CDK6: variants seen among roughly 807,000 people sequenced by gnomAD.
CDK6 encodes cyclin dependent kinase 6.
A neutral mutation model predicts 37.1 loss-of-function variants in CDK6; 6 were observed. That is an observed-to-expected ratio of 0.16 (90% CI 0.09 to 0.32). The LOEUF is 0.32. Ranked by LOEUF, CDK6 falls within the 10% of genes least tolerant of loss-of-function variation. The probability of loss-of-function intolerance (pLI) is 1.00; values close to 1 mark genes in which losing one functional copy is unlikely to be tolerated. For missense variants in CDK6, 224 were observed against 418.9 expected (o/e 0.53, Z 4.06); for synonymous variants, 160 against 161.3 (o/e 0.99, Z 0.06).
intron 5 of CDK6, among the ~76,000 whole-genome samples, chr7:92,668,897 C>G (rs1259069120): frequency 6.6e-6 from 1 of 152,210 alleles, no homozygotes; most frequent in East Asian, 1.9e-4. Flanking sequence ...GCATATGAAC[C>G]TGGTTTCTGA....
intron 5 of CDK6, among the ~76,000 whole-genome samples, chr7:92,641,088 CTA>C: frequency 6.6e-6 from 1 of 152,070 alleles, no homozygotes; most frequent in Non-Finnish European, 1.5e-5. Context: ...TGAAAGATAA[CTA>C]TTAAACCATT....
chr7:92,666,834 T>A (rs761163373), intron 5 of CDK6, among the ~76,000 whole-genome samples: 2 of 152,226 alleles, frequency 1.3e-5, no homozygotes, highest in Non-Finnish European at 2.9e-5. Flanking sequence ...TGTTGCTGGT[T>A]TATGTATTTA....
At chr7:92,670,559 A>T (rs1286341058) in intron 5 of CDK6, among the ~76,000 whole-genome samples, 1 of 152,256 alleles carries the variant, frequency 6.6e-6, no homozygotes, top group African/African-American at 2.4e-5. Context: ...TTTAATTTAG[A>T]CTAGGCTGAA....
chr7:92,667,487 T>A (rs565366687), intron 5 of CDK6, among the ~76,000 whole-genome samples: 10 of 152,040 alleles, frequency 6.6e-5, no homozygotes, highest in African/African-American at 2.4e-4. Context: ...AGCCACTGCA[T>A]CTGGCTTGCT....
intron 4 of CDK6, among the ~76,000 whole-genome samples, chr7:92,706,790 A>G (rs2116672153): frequency 6.6e-6 from 1 of 152,360 alleles, no homozygotes; most frequent in East Asian, 1.9e-4. Context: ...TAACACACTG[A>G]TTCATTCTTA....
chr7:92,795,886 G>GCAAAAGTGATATTCCAAATGTGGGGC (rs1800395656), intron 2 of CDK6, among the ~76,000 whole-genome samples: 1 of 152,020 alleles, frequency 6.6e-6, no homozygotes, highest in African/African-American at 2.4e-5. Context: ...CTCTGTTAAT[G>GCAAAAGTGATATTCCAAATGTGGGGC]TCATTTACTA....
At chr7:92,652,953 C>T (rs1370364347) in intron 5 of CDK6, among the ~76,000 whole-genome samples, 4 of 152,186 alleles carry the variant, frequency 2.6e-5, no homozygotes, top group African/African-American at 9.7e-5. Context: ...CACATTAAGA[C>T]AACTTAGCTG....
At chr7:92,819,974 A>G (rs1027794692) in intron 2 of CDK6, among the ~76,000 whole-genome samples, 1 of 152,094 alleles carries the variant, frequency 6.6e-6, no homozygotes, top group Middle Eastern at 3.4e-3. Flanking sequence ...CAAATGATGA[A>G]GAAGCAGCCA....
rs1795604443 is a variant in CDK6, at chr7:92,613,447, C to T, written c.*1693G>A. On this transcript the variant is annotated 3_prime_UTR_variant, in exon 8 of 8. Transcript: ENST00000424848. Reference sequence around the variant, plus strand: ...ACTTTCCAAAAGATACTTTCTGTGTCCTCTGGTTACTAGAGCCAACTGAGC... The same window carrying T: ...ACTTTCCAAAAGATACTTTCTGTGTTCTCTGGTTACTAGAGCCAACTGAGC... The T allele has an allele frequency of 1.3e-5, 3 of 233,570 alleles. No individual in the cohort carries two copies. Among genetic ancestry groups the T allele is most frequent in the South Asian group, 1.8e-4 (1 of 5,528 alleles). 14.5% of individuals were successfully genotyped at this position (233,570 alleles called of 1,614,324 possible).
intron 5 of CDK6, among the ~76,000 whole-genome samples, chr7:92,649,517 T>C (rs979005701): frequency 4.6e-5 from 7 of 152,200 alleles, no homozygotes; most frequent in African/African-American, 1.4e-4. Context: ...ATTTCATGAA[T>C]ATTTTCATGT....
intron 5 of CDK6, among the ~76,000 whole-genome samples, chr7:92,634,051 T>C (rs1157439608): frequency 6.6e-6 from 1 of 152,196 alleles, no homozygotes; most frequent in African/African-American, 2.4e-5. Flanking sequence ...TCAATTTTTA[T>C]ATAATCAAAT....
chr7:92,762,115 G>A (rs775555503), intron 3 of CDK6, among the ~76,000 whole-genome samples: 3 of 152,142 alleles, frequency 2.0e-5, no homozygotes, highest in Non-Finnish European at 2.9e-5. Context: ...AAGGACTTGA[G>A]GTTTACAAGA....
intron 2 of CDK6, among the ~76,000 whole-genome samples, chr7:92,790,770 T>C (rs1800261679): frequency 6.6e-6 from 1 of 152,074 alleles, no homozygotes; most frequent in African/African-American, 2.4e-5. Context: ...AAGCAACCCA[T>C]CCATATGTGG....
rs1254710727 is a variant in CDK6 at position 92,672,158 on chromosome 7, T to TATATATATACAC, written c.538-624_538-623insGTGTATATATAT. 1.1e-3 allele frequency among the ~76,000 whole-genome samples: 111 copies of TATATATATACAC among 102,724 alleles called. 5 individuals are homozygous for TATATATATACAC. In the East Asian group the frequency reaches 0.018, roughly 17 times the overall value. The allele number at this position is 102,724 out of a possible 152,430, so 67.4% of individuals were successfully genotyped here. A position where few individuals can be genotyped will look rare whatever the true frequency, so the allele number is the denominator to read the frequency against. ...ACATATATATATATATATATATATA[T>TATATATATACAC]ATACACATACACACACACACACACA... On this transcript the variant is annotated intron_variant, in intron 4 of 7. Transcript: ENST00000424848.
chr7:92,830,986 T>G (rs777917796), intron 2 of CDK6, among the ~76,000 whole-genome samples: 2 of 152,208 alleles, frequency 1.3e-5, no homozygotes, highest in African/African-American at 4.8e-5. Context: ...AAACAATCCT[T>G]TAGATATCTG....
intron 4 of CDK6, among the ~76,000 whole-genome samples, chr7:92,686,483 T>C (rs1468243420): frequency 7.2e-5 from 11 of 152,134 alleles, no homozygotes; most frequent in African/African-American, 2.4e-5. Flanking sequence ...TATTTCATTA[T>C]ATATATAATG....
At chr7:92,617,342 G>A (rs1356773146) in intron 7 of CDK6, among the ~76,000 whole-genome samples, 1 of 152,158 alleles carries the variant, frequency 6.6e-6, no homozygotes, top group Non-Finnish European at 1.5e-5. Context: ...TCTCTGGCAT[G>A]GGCCCCAGCA....
At chr7:92,776,244 A>C (rs538264244) in intron 2 of CDK6, among the ~76,000 whole-genome samples, 8 of 152,114 alleles carry the variant, frequency 5.3e-5, no homozygotes, top group African/African-American at 1.9e-4. Flanking sequence ...TGAACTCATC[A>C]TTTTTTATGA....
rs544272855 is a variant in CDK6 at position 92,612,427 on chromosome 7, C to T, written c.*2713G>A. The T allele has an allele frequency of 4.3e-5, 10 of 233,116 alleles. No individual in the cohort carries two copies. The highest frequency in any genetic ancestry group is 3.6e-4 in the South Asian group (2 of 5,524). 14.4% of individuals were successfully genotyped at this position (233,116 alleles called of 1,614,324 possible). ...TACTATCTGCTTCAAAATGCCCTAA[C>T]GGCAAGACTGCTTGTGTTGGATCTG... On this transcript the variant is annotated 3_prime_UTR_variant, in exon 8 of 8. Transcript: ENST00000424848.
Sources: gnomAD v4.1 joint callset for allele counts (sites outside exome capture counted in the v4.1 genomes callset) on GRCh38, gnomAD v4.1.1 for gene constraint, MANE v1.5 for transcripts, NCBI Gene and HGNC (gene_info 2026-07-23, HGNC 2026-07-21) for gene names.